ASB4: variants seen among roughly 807,000 people sequenced by gnomAD.
The protein encoded by ASB4 is ankyrin repeat and SOCS box containing 4.
Under a neutral mutation model 38.6 loss-of-function variants are expected in ASB4, and 35 were observed. That is an observed-to-expected ratio of 0.91 (90% CI 0.69 to 1.20). ASB4 has a LOEUF of 1.20. ASB4 is among the 50% of genes most tolerant of loss of function. ASB4 has a pLI of 0.00. For missense variants in ASB4, 557 were observed against 527.2 expected, an observed-to-expected ratio of 1.06 and a Z score of -0.55; for synonymous variants, 195 against 201.3, an observed-to-expected ratio of 0.97 and a Z score of 0.26.
intron 2 of ASB4, among the ~76,000 whole-genome samples, chr7:95,522,472 C>A (rs1473473627): frequency 6.6e-6 from 1 of 152,144 alleles, no homozygotes; most frequent in African/African-American, 2.4e-5. Context: ...CACTACATCA[C>A]TGTAGTTTAT....
At chr7:95,532,559 A>T (rs1047760884) in intron 3 of ASB4, among the ~76,000 whole-genome samples, 4 of 152,172 alleles carry the variant, frequency 2.6e-5, no homozygotes, top group African/African-American at 9.7e-5. Flanking sequence ...ACAATGCTGT[A>T]TATGAAGGTA....
chr7:95,476,271 C>T (rs564396616), upstream of ASB4, among the ~76,000 whole-genome samples: 4 of 152,326 alleles, frequency 2.6e-5, no homozygotes, highest in East Asian at 5.8e-4. Context: ...AGCGGCAAGG[C>T]TTCCAGCCCA....
rs1466452025 is a variant in ASB4 at position 95,538,056 on chromosome 7, CT to C, written c.*299del. ...AATATTTTTGTAAAACTTCTTATAT[CT>C]TATCTCATCTGAAATGGGACCCAGG... On this transcript the variant is annotated 3_prime_UTR_variant, in exon 5 of 5. Coordinates refer to ENST00000325885, the MANE Select transcript of ASB4 (RefSeq NM_016116.3). 10 of 240,876 alleles carry C rather than the reference CT, an allele frequency of 4.2e-5. No individual in the cohort carries two copies. Among genetic ancestry groups the C allele is most frequent in the African/African-American group, 2.2e-4 (10 of 45,364 alleles). The allele number at this position is 240,876 out of a possible 1,614,324, so 14.9% of individuals were successfully genotyped here.
At chr7:95,480,775 G>A (rs1790015796) in intron 1 of ASB4, among the ~76,000 whole-genome samples, 1 of 152,214 alleles carries the variant, frequency 6.6e-6, no homozygotes, top group South Asian at 2.1e-4. Flanking sequence ...GAAACCATGA[G>A]AGATAATAAA....
chr7:95,509,792 A>G (rs1205558965), intron 2 of ASB4, among the ~76,000 whole-genome samples: 1 of 152,198 alleles, frequency 6.6e-6, no homozygotes, highest in East Asian at 1.9e-4. Flanking sequence ...TGTTTCATTT[A>G]ATCCTTGCAA....
intron 2 of ASB4, among the ~76,000 whole-genome samples, chr7:95,519,081 C>A (rs1056620083): frequency 6.6e-6 from 1 of 151,988 alleles, no homozygotes; most frequent in Non-Finnish European, 1.5e-5. Flanking sequence ...TAAATGAGAA[C>A]TGAAAGGAAA....
At chr7:95,520,718 C>T (rs1385601778) in intron 2 of ASB4, among the ~76,000 whole-genome samples, 2 of 151,658 alleles carry the variant, frequency 1.3e-5, no homozygotes, top group Non-Finnish European at 2.9e-5. Flanking sequence ...GTTCCAATAC[C>T]TTTATTAATA....
At chr7:95,488,743 G>C (rs941727735) in intron 1 of ASB4, among the ~76,000 whole-genome samples, 16 of 152,168 alleles carry the variant, frequency 1.1e-4, no homozygotes, top group African/African-American at 3.9e-4. Context: ...CCGCAAAAGT[G>C]CATAAATAAG....
chr7:95,528,516 G>A, intron 3 of ASB4: 1 of 1,428,036 alleles, frequency 7.0e-7, no homozygotes, highest in Non-Finnish European at 9.1e-7. Flanking sequence ...GCTAGAATGA[G>A]AAAAAGAGTA....
chr7:95,501,485 C>G (rs1167304902), intron 2 of ASB4, among the ~76,000 whole-genome samples: 1 of 152,170 alleles, frequency 6.6e-6, no homozygotes, highest in Non-Finnish European at 1.5e-5. Context: ...TCACCGCATT[C>G]CATCTTTTCA....
chr7:95,503,557 G>A (rs899337537), intron 2 of ASB4, among the ~76,000 whole-genome samples: 10 of 152,148 alleles, frequency 6.6e-5, no homozygotes, highest in Non-Finnish European at 1.5e-4. Context: ...CTCTTCATCA[G>A]TTTTACCCTC....
At position 95,528,228 on chromosome 7, in the gene ASB4, T is replaced by C. The variant is rs1790771564; in HGVS notation, c.903T>C (p.Ala301=). 1 of 1,614,168 alleles carries C rather than the reference T, an allele frequency of 6.2e-7. No homozygotes were observed. The highest frequency in any genetic ancestry group is 8.5e-7 in the Non-Finnish European group (1 of 1,180,022). The part of the protein sequence containing the change: ...YVLKVTSVRP[A]AQPEICYQLL... Reference sequence around the variant, plus strand: ...TGAAGGTCACCTCCGTGCGCCCTGCTGCCCAGCCTGAGATCTGCTACCAGC... The same window carrying C: ...TGAAGGTCACCTCCGTGCGCCCTGCCGCCCAGCCTGAGATCTGCTACCAGC... The change falls in exon 3 of 5, where the codon GCT becomes GCC. Residue 301 remains alanine (A), a synonymous_variant. Coordinates refer to ENST00000325885, the MANE Select transcript of ASB4 (RefSeq NM_016116.3).
intron 2 of ASB4, among the ~76,000 whole-genome samples, chr7:95,498,769 G>A (rs1403825391): frequency 1.3e-5 from 2 of 151,916 alleles, no homozygotes; most frequent in East Asian, 1.9e-4. Flanking sequence ...TAGAGGTTTT[G>A]TCATTTCAGA....
At chr7:95,505,763 A>G (rs913719949) in intron 2 of ASB4, among the ~76,000 whole-genome samples, 2 of 144,830 alleles carry the variant, frequency 1.4e-5, no homozygotes, top group Admixed American at 7.0e-5. Context: ...GTGGTCAACT[A>G]TGATAGTTTC....
upstream of ASB4, among the ~76,000 whole-genome samples, chr7:95,482,556 G>A (rs1001768926): frequency 1.3e-4 from 20 of 152,118 alleles, no homozygotes; most frequent in Non-Finnish European, 2.5e-4. Context: ...TAGGAAATGA[G>A]GATATTTCTA....
downstream of ASB4, among the ~76,000 whole-genome samples, chr7:95,540,762 T>G (rs1790960349): frequency 6.6e-6 from 1 of 152,218 alleles, no homozygotes; most frequent in Non-Finnish European, 1.5e-5. Context: ...CTAGACACAC[T>G]TGTGTTCTAT....
In ASB4 at chr7:95,488,166, C is replaced by T. The variant is rs562664664; in HGVS notation, c.187+2008C>T. On this transcript the variant is annotated intron_variant, in intron 1 of 4. Transcript: ENST00000325885. ...ACCATCCTGCCTAACACGGTGAAAC[C>T]CCATTTCTACTAAAAATACAAAAAA... is the stretch of plus-strand genomic sequence containing the variant. 7.2e-5 allele frequency among the ~76,000 whole-genome samples: 11 copies of T among 152,254 alleles called. No homozygotes were observed. In the South Asian group the frequency reaches 1.7e-3, roughly 23 times the overall value.
rs1790938896 is a variant in ASB4 at position 95,539,294 on chromosome 7, C to T, written c.*1535C>T. 1 of 152,140 alleles carries T rather than the reference C, an allele frequency of 6.6e-6. No individual in the cohort carries two copies. 9.4% of individuals were successfully genotyped at this position (152,140 alleles called of 1,614,324 possible). ...ATCATTTAATGTTAACTGGCAATCA[C>T]CTAACTGGTTAATCTCAGTTGAGAC... On this transcript the variant is annotated 3_prime_UTR_variant, in exon 5 of 5. Transcript: ENST00000325885.
At chr7:95,537,093 C>G (rs1278305563) in intron 4 of ASB4, among the ~76,000 whole-genome samples, 1 of 152,168 alleles carries the variant, frequency 6.6e-6, no homozygotes, top group Non-Finnish European at 1.5e-5. Flanking sequence ...CAAAGTCTGT[C>G]TGTAACACAT....
Sources: allele counts gnomAD v4.1 joint callset (sites outside exome capture counted in the v4.1 genomes callset), GRCh38; gene constraint gnomAD v4.1.1; transcripts MANE v1.5; gene names NCBI Gene and HGNC (gene_info 2026-07-23, HGNC 2026-07-21).